IMPA2: variants seen among roughly 807,000 people sequenced by gnomAD.
IMPA2 encodes IMP 2.
Under a neutral mutation model 35.1 loss-of-function variants are expected in IMPA2, and 32 were observed. The ratio of observed to expected loss-of-function variants is 0.91; its 90% confidence interval spans 0.69 to 1.23. The LOEUF (loss-of-function observed/expected upper bound fraction) is 1.23, where lower values mean the gene tolerates loss of function less well. Ranked by LOEUF, IMPA2 falls within the 50% of genes most tolerant of loss-of-function variation. The pLI, the probability that IMPA2 is intolerant of heterozygous loss-of-function variation, is 0.00. For synonymous variants in IMPA2, 135 were observed against 160.6 expected, an observed-to-expected ratio of 0.84 and a Z score of 1.20; for missense variants, 334 against 387.6, an observed-to-expected ratio of 0.86 and a Z score of 1.16.
At chr18:12,003,341 T>C (rs1907164163) in intron 2 of IMPA2, among the ~76,000 whole-genome samples, 1 of 151,880 alleles carries the variant, frequency 6.6e-6, no homozygotes, top group Admixed American at 6.6e-5. Flanking sequence ...ATTTAACTCG[T>C]AACATGACAA....
intron 1 of IMPA2, among the ~76,000 whole-genome samples, chr18:11,985,780 A>C (rs150981179): frequency 2.6e-5 from 4 of 152,324 alleles, no homozygotes; most frequent in Middle Eastern, 3.4e-3. Context: ...GATGGCTCTC[A>C]GTAACTTACA....
At chr18:12,022,122 C>T (rs1598704338) in intron 5 of IMPA2, among the ~76,000 whole-genome samples, 1 of 152,140 alleles carries the variant, frequency 6.6e-6, no homozygotes, top group African/African-American at 2.4e-5. Flanking sequence ...GTTGTACAAT[C>T]ATCAGCACTA....
intron 2 of IMPA2, among the ~76,000 whole-genome samples, chr18:12,006,306 A>C (rs901481923): frequency 1.3e-5 from 2 of 152,168 alleles, no homozygotes; most frequent in African/African-American, 4.8e-5. Context: ...CTGTTTGGGG[A>C]GCACCAGTTC....
intron 5 of IMPA2, among the ~76,000 whole-genome samples, chr18:12,019,887 T>C (rs762713331): frequency 2.0e-5 from 3 of 152,118 alleles, no homozygotes; most frequent in Non-Finnish European, 4.4e-5. Context: ...AAAAAATATA[T>C]ATATTTTTGA....
chr18:12,029,614 T>C (rs961409950), intron 7 of IMPA2, among the ~76,000 whole-genome samples: 1 of 151,316 alleles, frequency 6.6e-6, no homozygotes, highest in Non-Finnish European at 1.5e-5. Context: ...AGAGATGGGG[T>C]TTTGCCATGT....
At chr18:12,016,143 A>T (rs1009371334) in intron 5 of IMPA2, among the ~76,000 whole-genome samples, 1 of 152,234 alleles carries the variant, frequency 6.6e-6, no homozygotes, top group African/African-American at 2.4e-5. Flanking sequence ...AGCTGCTGCT[A>T]GTCTGAGGCT....
At chr18:12,002,800 C>T (rs1158693861) in intron 2 of IMPA2, among the ~76,000 whole-genome samples, 1 of 151,608 alleles carries the variant, frequency 6.6e-6, no homozygotes, top group Non-Finnish European at 1.5e-5. Flanking sequence ...AAAAGGAACC[C>T]TTGCAGACTG....
At chr18:12,009,018 C>CGGGCAGGGAAT in intron 2 of IMPA2, among the ~76,000 whole-genome samples, 1 of 135,786 alleles carries the variant, frequency 7.4e-6, no homozygotes, top group African/African-American at 2.9e-5. Context: ...GGGCAGGGAG[C>CGGGCAGGGAAT]GTCCCAGCCT....
chr18:12,007,223 C>T (rs914564187), intron 2 of IMPA2, among the ~76,000 whole-genome samples: 1 of 152,184 alleles, frequency 6.6e-6, no homozygotes, highest in African/African-American at 2.4e-5. Context: ...CTGTCTGTTG[C>T]TGCAGGGGTG....
chr18:11,995,922 G>A (rs1378542845), intron 1 of IMPA2, among the ~76,000 whole-genome samples: 2 of 152,218 alleles, frequency 1.3e-5, no homozygotes, highest in Non-Finnish European at 2.9e-5. Flanking sequence ...TGAATGCCAG[G>A]GAGCATTCCT....
intron 1 of IMPA2, among the ~76,000 whole-genome samples, chr18:11,993,139 C>A (rs605636): frequency 6.6e-6 from 1 of 151,938 alleles, no homozygotes; most frequent in East Asian, 1.9e-4. Context: ...CATACAATAC[C>A]TCATGTGATT....
intron 5 of IMPA2, among the ~76,000 whole-genome samples, chr18:12,025,073 C>CT (rs1907843109): frequency 6.6e-6 from 1 of 152,186 alleles, no homozygotes; most frequent in African/African-American, 2.4e-5. Flanking sequence ...AACCACTGAT[C>CT]TTTTTACTGT....
At chr18:12,024,374 C>G (rs559357861) in intron 5 of IMPA2, among the ~76,000 whole-genome samples, 1 of 150,796 alleles carries the variant, frequency 6.6e-6, no homozygotes, top group African/African-American at 2.5e-5. Flanking sequence ...ATCCCCGCTA[C>G]TTGGGAGGCT....
At chr18:12,025,493 T>C (rs557522847) in intron 5 of IMPA2, among the ~76,000 whole-genome samples, 1 of 152,358 alleles carries the variant, frequency 6.6e-6, no homozygotes, top group South Asian at 2.1e-4. Context: ...CCACCAGCCA[T>C]GCATGCGAGT....
intron 1 of IMPA2, among the ~76,000 whole-genome samples, chr18:11,982,787 C>T (rs932539186): frequency 6.0e-5 from 8 of 133,180 alleles, no homozygotes; most frequent in African/African-American, 2.7e-4. Flanking sequence ...GAACAAAACT[C>T]CGTCTCAAAA....
At position 12,030,839 on chromosome 18, in the gene IMPA2, C is replaced by A. The variant is rs554534761; in HGVS notation, c.*381C>A. On this transcript the variant is annotated 3_prime_UTR_variant, in exon 8 of 8. Transcript: ENST00000269159. ...AAGCGGATCGTTCTCAGGCCCTCCC[C>A]CCGGAGTACTTCAGAATGCAATAAA... The A allele has an allele frequency of 4.2e-4, 85 of 203,200 alleles. No individual in the cohort carries two copies. Among genetic ancestry groups the A allele is most frequent in the Non-Finnish European group, 7.1e-4 (71 of 99,784 alleles). The allele number at this position is 203,200 out of a possible 1,614,324, so 12.6% of individuals were successfully genotyped here.
intron 5 of IMPA2, among the ~76,000 whole-genome samples, chr18:12,022,941 ATTTTT>A (rs35737614): frequency 3.7e-5 from 3 of 81,672 alleles, no homozygotes; most frequent in Non-Finnish European, 4.6e-5. Flanking sequence ...CGCCTGCCTA[ATTTTT>A]TTTTTTTTTT....
intron 5 of IMPA2, among the ~76,000 whole-genome samples, chr18:12,015,360 C>T (rs1026198709): frequency 6.6e-6 from 1 of 152,232 alleles, no homozygotes; most frequent in African/African-American, 2.4e-5. Context: ...TCTTCATTGT[C>T]TCTATTTATT....
intron 1 of IMPA2, among the ~76,000 whole-genome samples, chr18:11,985,321 C>T (rs950545212): frequency 2.0e-5 from 3 of 152,190 alleles, no homozygotes; most frequent in Middle Eastern, 3.4e-3. Context: ...CTCATACTTC[C>T]GTAATACTTT....
Sources: allele counts gnomAD v4.1 joint callset (sites outside exome capture counted in the v4.1 genomes callset), GRCh38; gene constraint gnomAD v4.1.1; transcripts MANE v1.5; gene names NCBI Gene and HGNC (gene_info 2026-07-23, HGNC 2026-07-21).